The following POLA1 variants were observed in gnomAD, a reference collection of about 807,000 sequenced individuals.
POLA1 encodes DNA polymerase alpha 1, catalytic subunit.
POLA1 carries 15 observed loss-of-function variants against 124.0 expected under a neutral mutation model. That is an observed-to-expected ratio of 0.12 (90% CI 0.08 to 0.19). The LOEUF is 0.19. Among genes scored for constraint, POLA1 ranks in the 10% least tolerant of loss-of-function variants. The pLI is 1.00. For missense variants in POLA1, 886 were observed against 1,103.4 expected (o/e 0.80, Z 2.79); for synonymous variants, 408 against 389.4 (o/e 1.05, Z -0.56).
chrX:24,733,996 G>A (rs907241166), intron 17 of POLA1, 180 bp downstream of exon 17: 15 of 317,022 alleles, frequency 4.7e-5, no homozygotes, highest in African/African-American at 3.5e-4. Flanking sequence ...ATTTAACAAT[G>A]TTTAAATGTT....
At chrX:24,756,663 G>C (rs1932624714) in intron 26 of POLA1, among the ~76,000 whole-genome samples, 1 of 111,444 alleles carries the variant, frequency 9.0e-6, no homozygotes, top group African/African-American at 3.3e-5. Flanking sequence ...ATCCTCTGAA[G>C]TTGTATGTAA....
At chrX:24,814,153 G>A (rs2045952035) in intron 29 of POLA1, among the ~76,000 whole-genome samples, 2 of 112,286 alleles carry the variant, frequency 1.8e-5, no homozygotes, top group African/African-American at 6.5e-5. Flanking sequence ...TGTATGGACT[G>A]TGGATTAGAG....
At position 24,826,640 on chromosome X, in the gene POLA1, CAG is replaced by C. The variant is rs764291829; in HGVS notation, c.3736+40_3736+41del. ...GCTCACATAGAACCTCACATGGTAACAGGGGCACATGTAGTCTTCCTTGTCTC... is the reference window on the plus strand; with the variant it reads ...GCTCACATAGAACCTCACATGGTAACGGGCACATGTAGTCTTCCTTGTCTC... On this transcript the variant is annotated intron_variant, in intron 32 of 36. Transcript: ENST00000379068. The C allele has an allele frequency of 3.2e-6, 3 of 951,716 alleles. No homozygotes were observed. The South Asian group carries it at 6.9e-5, about 22-fold the overall frequency. 78.4% of individuals were successfully genotyped at this position (951,716 alleles called of 1,213,427 possible). A position where few individuals can be genotyped will look rare whatever the true frequency, so the allele number is the denominator to read the frequency against.
intron 36 of POLA1, among the ~76,000 whole-genome samples, chrX:24,952,720 C>T (rs2048062525): frequency 9.0e-6 from 1 of 111,694 alleles, no homozygotes; most frequent in Non-Finnish European, 1.9e-5. Flanking sequence ...AGTTTGTTGT[C>T]TTTGGATCTT....
chrX:24,701,730 C>T (rs895589703), intron 2 of POLA1, among the ~76,000 whole-genome samples: 2 of 109,384 alleles, frequency 1.8e-5, no homozygotes, highest in African/African-American at 6.7e-5. Flanking sequence ...GCCACCACAC[C>T]CGGCTGAGGT....
At chrX:24,762,430 C>T (rs1461316232) in intron 26 of POLA1, among the ~76,000 whole-genome samples, 2 of 112,223 alleles carry the variant, frequency 1.8e-5, no homozygotes, top group Non-Finnish European at 3.8e-5. Context: ...ATAGCAAAGG[C>T]CCTTGACCTG....
chrX:24,696,433 C>G (rs760727692), intron 1 of POLA1, among the ~76,000 whole-genome samples: 38 of 112,054 alleles, frequency 3.4e-4, no homozygotes, highest in South Asian at 1.1e-3. Flanking sequence ...ACATTGTTGC[C>G]GGTTTTGTAA....
At chrX:24,967,632 G>T (rs987473666) in intron 36 of POLA1, among the ~76,000 whole-genome samples, 18 of 110,797 alleles carry the variant, frequency 1.6e-4, no homozygotes, top group Non-Finnish European at 3.4e-4. Context: ...CTGCACTCCA[G>T]CCTGGGGGAC....
Position 24,826,510 on chromosome X carries a change from G to C in POLA1, c.3645G>C (p.Gln1215His), listed in dbSNP as rs1325545516. 8.3e-7 allele frequency: 1 copy of C among 1,204,279 alleles called. No homozygotes were observed. The highest frequency in any genetic ancestry group is 1.1e-6 in the Non-Finnish European group (1 of 889,538). Residue 1215 changes from glutamine to histidine, a missense_variant, in exon 32 of 37, where the codon CAG (glutamine) becomes CAC (histidine). Gln to His is a conservative substitution (Grantham distance 24). Coordinates refer to ENST00000379068, the MANE Select transcript of POLA1 (RefSeq NM_001330360.2). ...QKQDNLTIDT[Q>H]YYLAQQIHPV... ...AGGATAATCTAACCATTGACACCCAGTACTACCTGGCCCAGCAGATCCACC... is the reference window on the plus strand; with the variant it reads ...AGGATAATCTAACCATTGACACCCACTACTACCTGGCCCAGCAGATCCACC...
intron 34 of POLA1, among the ~76,000 whole-genome samples, chrX:24,877,331 G>A (rs901683324): frequency 2.7e-5 from 3 of 111,953 alleles, no homozygotes; most frequent in Non-Finnish European, 5.6e-5. Flanking sequence ...AGAGTTCAGT[G>A]CATGGAAAGT....
chrX:24,709,024 C>A (rs1421995960), intron 4 of POLA1, among the ~76,000 whole-genome samples: 4 of 97,990 alleles, frequency 4.1e-5, no homozygotes, highest in Non-Finnish European at 8.7e-5. Context: ...GGCTGACCCC[C>A]CCCACCTCCC....
intron 26 of POLA1, among the ~76,000 whole-genome samples, chrX:24,802,981 A>G (rs2045741732): frequency 8.9e-6 from 1 of 111,810 alleles, no homozygotes. Flanking sequence ...CCTGGGCGAC[A>G]GAGCAAGACT....
chrX:24,946,853 C>T (rs1371188426), intron 36 of POLA1, among the ~76,000 whole-genome samples: 1 of 111,988 alleles, frequency 8.9e-6, no homozygotes, highest in Non-Finnish European at 1.9e-5. Flanking sequence ...CCTCTTTTCT[C>T]TGCTATTTAT....
chrX:24,966,598 A>T (rs1390105899), intron 36 of POLA1, among the ~76,000 whole-genome samples: 1 of 112,404 alleles, frequency 8.9e-6, no homozygotes, highest in Non-Finnish European at 1.9e-5. Flanking sequence ...GCATGTTTGT[A>T]AGAGCAGCTA....
At chrX:24,800,025 GC>G (rs951235514) in intron 26 of POLA1, among the ~76,000 whole-genome samples, 1 of 111,236 alleles carries the variant, frequency 9.0e-6, no homozygotes, top group Admixed American at 9.6e-5. Context: ...GTCTTAATTA[GC>G]CCCCCTGGAT....
At chrX:24,730,365 T>C (rs1930826964) in intron 15 of POLA1, among the ~76,000 whole-genome samples, 1 of 111,159 alleles carries the variant, frequency 9.0e-6, no homozygotes, top group Non-Finnish European at 1.9e-5. Context: ...TGCCTCAGCC[T>C]CCTGAGTAAC....
intron 34 of POLA1, among the ~76,000 whole-genome samples, chrX:24,876,229 G>A (rs189299293): frequency 8.9e-6 from 1 of 112,138 alleles, no homozygotes; most frequent in Admixed American, 9.4e-5. Context: ...GCAAGCATAT[G>A]CATTTCAACA....
intron 4 of POLA1, among the ~76,000 whole-genome samples, chrX:24,711,878 G>A (rs368754658): frequency 4.0e-4 from 45 of 112,263 alleles, no homozygotes; most frequent in African/African-American, 1.4e-3. Flanking sequence ...GATTACAGGC[G>A]TGAGCCACCA....
intron 4 of POLA1, among the ~76,000 whole-genome samples, chrX:24,713,477 C>T (rs971349543): frequency 2.7e-5 from 3 of 111,017 alleles, no homozygotes; most frequent in South Asian, 3.8e-4. Flanking sequence ...AGTGCAGTGG[C>T]GCGATCCCAG....
Sources: allele counts gnomAD v4.1 joint callset (sites outside exome capture counted in the v4.1 genomes callset), GRCh38; gene constraint gnomAD v4.1.1; transcripts MANE v1.5; gene names NCBI Gene and HGNC (gene_info 2026-07-23, HGNC 2026-07-21).